The following PLA2G3 variants were observed in gnomAD, a reference collection of about 807,000 sequenced individuals.
PLA2G3 encodes phospholipase A2 group III, also known as group 3 secretory phospholipase A2.
A neutral mutation model predicts 51.3 loss-of-function variants in PLA2G3; 39 were observed. The ratio of observed to expected loss-of-function variants is 0.76; its 90% confidence interval spans 0.59 to 0.99. The LOEUF is 0.99. PLA2G3 is among the 50% of genes least tolerant of loss of function. The pLI, the probability that PLA2G3 is intolerant of heterozygous loss-of-function variation, is 0.00. For synonymous variants in PLA2G3, 293 were observed against 263.1 expected (o/e 1.11, Z -1.10); for missense variants, 677 against 662.1 (o/e 1.02, Z -0.25).
chr22:31,135,404 A>G lies in PLA2G3; in HGVS notation c.*319T>C, dbSNP rs1922501389. 2.7e-6 allele frequency: 1 copy of G among 370,524 alleles called. No individual in the cohort carries two copies. Among genetic ancestry groups the G allele is most frequent in the South Asian group, 4.4e-5 (1 of 22,814 alleles). 23.0% of individuals were successfully genotyped at this position (370,524 alleles called of 1,614,324 possible). On this transcript the variant is annotated 3_prime_UTR_variant, in exon 7 of 7. Coordinates refer to ENST00000215885, the MANE Select transcript of PLA2G3 (RefSeq NM_015715.5). ...TCCTGGTACTGCCTGGGGCTGCTGC[A>G]ATAAGTTACCCTTTCCCCATTCTCA... is the stretch of plus-strand genomic sequence containing the variant.
At position 31,140,298 on chromosome 22, in the gene PLA2G3, C is replaced by G; in HGVS notation, c.57G>C (p.Gly19=). ...GMLGFLGVAL[G]GSPALRWYRT... is the part of the protein sequence containing the mutation. ...TGTACCAGCGGAGGGCAGGGGAGCCCCCCAGGGCCACCCCCAGGAAGCCCA... is the reference window on the plus strand; with the variant it reads ...TGTACCAGCGGAGGGCAGGGGAGCCGCCCAGGGCCACCCCCAGGAAGCCCA... The change falls in exon 1 of 7, where the codon GGG becomes GGC. Residue 19 remains glycine, a synonymous_variant. Coordinates refer to ENST00000215885, the MANE Select transcript of PLA2G3 (RefSeq NM_015715.5). 1 of 1,611,196 alleles carries G rather than the reference C, an allele frequency of 6.2e-7. No homozygotes were observed. Among genetic ancestry groups the G allele is most frequent in the Non-Finnish European group, 8.5e-7 (1 of 1,179,706 alleles).
chr22:31,137,166 G>A (rs1772976315), intron 4 of PLA2G3, 126 bp from the exon 5 acceptor site: 1 of 1,020,946 alleles, frequency 9.8e-7, no homozygotes, highest in Non-Finnish European at 1.4e-6. Context: ...TCCATTTCAT[G>A]CCTTCTGAGT....
At chr22:31,139,106 C>G (rs544342128) in intron 1 of PLA2G3, among the ~76,000 whole-genome samples, 2 of 152,180 alleles carry the variant, frequency 1.3e-5, no homozygotes, top group African/African-American at 2.4e-5. Context: ...CCCAAGCCCA[C>G]GCCCCAAATA....
chr22:31,136,683 T>G lies in PLA2G3; in HGVS notation c.1316A>C (p.Asn439Thr). ...APPLDCVEGK[N>T]CSRDPRAIRV... is the part of the protein sequence containing the mutation. ...CCCTCCTGGCTCTGACATCACTTACTTTTTGCCTTCCACACAGTCCAGTGG... is the reference window on the plus strand; with the variant it reads ...CCCTCCTGGCTCTGACATCACTTACGTTTTGCCTTCCACACAGTCCAGTGG... The change falls in exon 6 of 7, where the codon AAC (asparagine) becomes ACC (threonine). Residue 439 changes from asparagine to threonine, a missense_variant and splice_region_variant. Transcript: ENST00000215885. The G allele has an allele frequency of 1.2e-6, 2 of 1,612,536 alleles. No individual in the cohort carries two copies. Among genetic ancestry groups the G allele is most frequent in the African/African-American group, 1.3e-5 (1 of 74,964 alleles).
intron 6 of PLA2G3, 55 bp downstream of exon 6, chr22:31,136,628 G>A (rs544746106): frequency 6.9e-7 from 1 of 1,452,144 alleles, no homozygotes; most frequent in African/African-American, 1.4e-5. Context: ...AGTGGGTATA[G>A]GCAACCCACC....
chr22:31,138,115 G>A, intron 3 of PLA2G3, 122 bp from the exon 4 acceptor site: 1 of 1,333,710 alleles, frequency 7.5e-7, no homozygotes, highest in Non-Finnish European at 1.0e-6. Flanking sequence ...GGGTTGTGGG[G>A]GACACCCAAG....
In PLA2G3 at chr22:31,138,807, G is replaced by A. The variant is rs1471197499; in HGVS notation, c.515-8C>T. 3 of 1,613,512 alleles carry A rather than the reference G, an allele frequency of 1.9e-6. No individual in the cohort carries two copies. Among genetic ancestry groups the A allele is most frequent in the Non-Finnish European group, 1.7e-6 (2 of 1,179,632 alleles). On this transcript the variant is annotated splice_region_variant and splice_polypyrimidine_tract_variant and intron_variant, in intron 1 of 6. Coordinates refer to ENST00000215885, the MANE Select transcript of PLA2G3 (RefSeq NM_015715.5). ...CAGGTCCCTGGAAGACCCCTGCAGG[G>A]AGGGGAGGGGAGAGGGCACCAACTC...
chr22:31,138,152 A>G, intron 3 of PLA2G3, 124 bp downstream of exon 3: 1 of 1,369,320 alleles, frequency 7.3e-7, no homozygotes, highest in South Asian at 1.4e-5. Context: ...GGCCCTCAGG[A>G]GAGGACATGC....
Position 31,135,648 on chromosome 22 carries a change from G to A in PLA2G3, c.*75C>T. ...ATGCTTCAGTCTAACCTACGGAGGGGAGGCTGAGATTCCCAAGGCTTGGCA... is the reference window on the plus strand; with the variant it reads ...ATGCTTCAGTCTAACCTACGGAGGGAAGGCTGAGATTCCCAAGGCTTGGCA... On this transcript the variant is annotated 3_prime_UTR_variant, in exon 7 of 7. Coordinates refer to ENST00000215885, the MANE Select transcript of PLA2G3 (RefSeq NM_015715.5). The A allele has an allele frequency of 3.6e-6, 4 of 1,101,284 alleles. No homozygotes were observed. The highest frequency in any genetic ancestry group is 5.5e-6 in the Non-Finnish European group (4 of 724,730). The allele number at this position is 1,101,284 out of a possible 1,614,324, so 68.2% of individuals were successfully genotyped here. A position where few individuals can be genotyped will look rare whatever the true frequency, so the allele number is the denominator to read the frequency against.
At chr22:31,138,116 G>T (rs573186627) in intron 3 of PLA2G3, 123 bp from the exon 4 acceptor site, 23 of 1,334,470 alleles carry the variant, frequency 1.7e-5, no homozygotes, top group East Asian at 1.5e-4. Context: ...GGTTGTGGGG[G>T]ACACCCAAGG....
rs1400776170 is a variant in PLA2G3, at chr22:31,137,087, G to T, written c.1067-47C>A. ...GATGGGAGCCCAATCCACCAGGGAG[G>T]CCCCACCAATGCCTGCGCCATCCGG... On this transcript the variant is annotated intron_variant, in intron 4 of 6. Transcript: ENST00000215885. The T allele has an allele frequency of 7.5e-6, 11 of 1,468,028 alleles. 1 individual carries two copies. The Admixed American group carries it at 2.4e-4, about 33-fold the overall frequency. The allele number at this position is 1,468,028 out of a possible 1,614,324, so 90.9% of individuals were successfully genotyped here. A position where few individuals can be genotyped will look rare whatever the true frequency, so the allele number is the denominator to read the frequency against.
rs760166205 is a variant in PLA2G3 at position 31,138,293 on chromosome 22, C to A, written c.765G>T (p.Ala255=). 1.2e-6 allele frequency: 2 copies of A among 1,613,820 alleles called. No homozygotes were observed. The highest frequency in any genetic ancestry group is 2.2e-5 in the South Asian group (2 of 91,072). The change falls in exon 3 of 7, where the codon GCG becomes GCT. Residue 255 remains alanine (A), a synonymous_variant. Transcript: ENST00000215885. ...FVLEEQEACV[A]WYWWGGCRMY... is the part of the protein sequence containing the mutation. ...CCACGTACCCGCCCCACCAGTACCACGCCACACACGCCTCCTGCTCCTCCA... is the reference window on the plus strand; with the variant it reads ...CCACGTACCCGCCCCACCAGTACCAAGCCACACACGCCTCCTGCTCCTCCA...
Position 31,135,711 on chromosome 22 carries a change from C to G in PLA2G3, c.*12G>C, listed in dbSNP as rs1358295902. 6.2e-7 allele frequency: 1 copy of G among 1,609,244 alleles called. No homozygotes were observed. Among genetic ancestry groups the G allele is most frequent in the Admixed American group, 1.7e-5 (1 of 60,014 alleles). ...AGGTCCAGGCTGGTGCCCAGGAAAGCTGAAACTGAGGTCACTGGCTCCAGG... is the reference window on the plus strand; with the variant it reads ...AGGTCCAGGCTGGTGCCCAGGAAAGGTGAAACTGAGGTCACTGGCTCCAGG... On this transcript the variant is annotated 3_prime_UTR_variant, in exon 7 of 7. Coordinates refer to ENST00000215885, the MANE Select transcript of PLA2G3 (RefSeq NM_015715.5).
Position 31,140,161 on chromosome 22 carries a change from TGCGCATCCCAGC to T in PLA2G3, c.182_193del (p.Arg61_Ala64del), listed in dbSNP as rs1210917845. ...CCAGCTACATGACTGCAGCCTCCTA[TGCGCATCCCAGC>T]GGGCATGGATCAGGGCCAGTCCCTG... is the stretch of plus-strand genomic sequence containing the variant. On this transcript the variant is annotated inframe_deletion, in exon 1 of 7. Coordinates refer to ENST00000215885, the MANE Select transcript of PLA2G3 (RefSeq NM_015715.5). 6.2e-7 allele frequency: 1 copy of T among 1,612,538 alleles called. No individual in the cohort carries two copies. The highest frequency in any genetic ancestry group is 8.5e-7 in the Non-Finnish European group (1 of 1,179,944).
At chr22:31,136,852 C>A in intron 5 of PLA2G3, 53 bp from the exon 6 acceptor site, 1 of 1,600,758 alleles carries the variant, frequency 6.2e-7, no homozygotes, top group Non-Finnish European at 8.5e-7. Flanking sequence ...GCCAGGGGCC[C>A]CTTCCCATGC....
chr22:31,137,097 T>A, intron 4 of PLA2G3, 57 bp from the exon 5 acceptor site: 1 of 1,445,484 alleles, frequency 6.9e-7, no homozygotes, highest in East Asian at 2.5e-5. Flanking sequence ...GCCCCACCAA[T>A]GCCTGCGCCA....
rs763023396 is a variant in PLA2G3, at chr22:31,138,367, T to A, written c.691A>T (p.Ile231Phe). The A allele has an allele frequency of 1.9e-6, 3 of 1,613,788 alleles. No individual in the cohort carries two copies. Among genetic ancestry groups the A allele is most frequent in the East Asian group, 2.2e-5 (1 of 44,876 alleles). Residue 231 changes from isoleucine (I) to phenylalanine (F), a missense_variant, in exon 3 of 7, where the codon ATC becomes TTC. Transcript: ENST00000215885. ...ACGTTGAAGAAGGCCACGCCCACGA[T>A]GTCCGAGATGGAGTCGTGCTGATTC... ...LQNQHDSISD[I>F]VGVAFFNVLE...
At chr22:31,136,226 G>A (rs1922550362) in intron 6 of PLA2G3, among the ~76,000 whole-genome samples, 1 of 152,226 alleles carries the variant, frequency 6.6e-6, no homozygotes, top group Admixed American at 6.5e-5. Flanking sequence ...CCAGATGAAA[G>A]CAGAGCACAG....
In PLA2G3 at chr22:31,140,331, A is replaced by G. The variant is rs753520211; in HGVS notation, c.24T>C (p.Phe8=). 1.2e-6 allele frequency: 2 copies of G among 1,605,370 alleles called. No homozygotes were observed. Among genetic ancestry groups the G allele is most frequent in the Non-Finnish European group, 1.7e-6 (2 of 1,178,248 alleles). The change falls in exon 1 of 7, where the codon TTT becomes TTC. Residue 8 remains phenylalanine, a synonymous_variant. Transcript: ENST00000215885. ...CCACCCCCAGGAAGCCCAGCATCCC[A>G]AACAGCCCTGCCTGAACCCCCATTC... MGVQAGL[F]GMLGFLGVAL...
Sources: allele counts gnomAD v4.1 joint callset (sites outside exome capture counted in the v4.1 genomes callset), GRCh38; gene constraint gnomAD v4.1.1; transcripts MANE v1.5; gene names NCBI Gene and HGNC (gene_info 2026-07-23, HGNC 2026-07-21).